Variants in ERCC8 observed in about 807,000 individuals in gnomAD.
ERCC8 encodes the protein ERCC excision repair 8, CSA ubiquitin ligase complex subunit.
A neutral mutation model predicts 54.9 loss-of-function variants in ERCC8; 52 were observed. The observed-to-expected ratio is 0.95, with a 90% CI of 0.76 to 1.19. The LOEUF is 1.19. Ranked by LOEUF, ERCC8 falls within the 50% of genes most tolerant of loss-of-function variation. The pLI, the probability that ERCC8 is intolerant of heterozygous loss-of-function variation, is 0.00. For synonymous variants in ERCC8, 146 were observed against 157.2 expected, an observed-to-expected ratio of 0.93 and a Z score of 0.53; for missense variants, 514 against 466.1, an observed-to-expected ratio of 1.10 and a Z score of -0.95.
intron 11 of ERCC8, among the ~76,000 whole-genome samples, chr5:60,883,870 T>G (rs1748317325): frequency 6.6e-6 from 1 of 152,122 alleles, no homozygotes; most frequent in Non-Finnish European, 1.5e-5. Context: ...CAAAATATAA[T>G]AAAACAGTCT....
intron 11 of ERCC8, among the ~76,000 whole-genome samples, chr5:60,886,612 T>A (rs1192920488): frequency 7.9e-5 from 12 of 151,494 alleles, no homozygotes; most frequent in South Asian, 4.2e-4. Context: ...TGAGGCAGGA[T>A]AATTGCTTGA....
chr5:60,898,776 A>G (rs1012556209), intron 8 of ERCC8, among the ~76,000 whole-genome samples: 5 of 123,458 alleles, frequency 4.0e-5, no homozygotes, highest in Non-Finnish European at 6.7e-5. Context: ...TAAAATCAAT[A>G]ATTCTAGTGT....
chr5:60,883,349 A>G (rs922253263), intron 11 of ERCC8, among the ~76,000 whole-genome samples: 1 of 152,228 alleles, frequency 6.6e-6, no homozygotes, highest in Non-Finnish European at 1.5e-5. Flanking sequence ...TGTGGTACAC[A>G]TTACCATTTG....
chr5:60,871,118 A>T lies in ERCC8; in HGVS notation c.*3497T>A, dbSNP rs970361227. Among the ~76,000 whole-genome samples, 2 of 152,190 alleles carry T rather than the reference A, an allele frequency of 1.3e-5. No homozygotes were observed. Among genetic ancestry groups the T allele is most frequent in the African/African-American group, 4.8e-5 (2 of 41,440 alleles). The stretch of plus-strand genomic sequence containing the variant: ...CTAAACTATCATTTCAGAGGGGAAA[A>T]AAAAGATGATATTCAACAACTAAAT... On this transcript the variant is annotated 3_prime_UTR_variant, in exon 12 of 12. Transcript: ENST00000676185.
chr5:60,941,345 A>T (rs1580054883), intron 1 of ERCC8, among the ~76,000 whole-genome samples: 2 of 152,348 alleles, frequency 1.3e-5, no homozygotes, highest in Admixed American at 1.3e-4. Flanking sequence ...TGTGAACTTG[A>T]AGATAGATCC....
chr5:60,894,890 C>T (rs965492228), intron 9 of ERCC8, among the ~76,000 whole-genome samples: 8 of 151,942 alleles, frequency 5.3e-5, no homozygotes, highest in Admixed American at 1.3e-4. Flanking sequence ...AGTGATTTGT[C>T]GGCTGGGCGT....
At chr5:60,908,453 C>T (rs1233128727) in intron 4 of ERCC8, among the ~76,000 whole-genome samples, 1 of 151,410 alleles carries the variant, frequency 6.6e-6, no homozygotes, top group African/African-American at 2.4e-5. Flanking sequence ...CTCAACAAAT[C>T]GAAAATTGAA....
intron 11 of ERCC8, among the ~76,000 whole-genome samples, chr5:60,886,875 C>T (rs1161077668): frequency 1.3e-5 from 2 of 151,764 alleles, no homozygotes; most frequent in East Asian, 1.9e-4. Context: ...TTGATGTTTA[C>T]AATAATCAAC....
intron 3 of ERCC8, among the ~76,000 whole-genome samples, chr5:60,920,314 TAC>T (rs1459056314): frequency 6.6e-6 from 1 of 152,028 alleles, no homozygotes; most frequent in African/African-American, 2.4e-5. Flanking sequence ...TATTGACTTC[TAC>T]AGAGATTTTT....
chr5:60,924,577 A>G (rs1178892829), intron 2 of ERCC8: 1 of 154,538 alleles, frequency 6.5e-6, no homozygotes, highest in Non-Finnish European at 1.5e-5. Context: ...ATAAAGTTCC[A>G]GATCTTATTT....
At chr5:60,880,252 G>C (rs1462815831) in intron 11 of ERCC8, among the ~76,000 whole-genome samples, 1 of 152,144 alleles carries the variant, frequency 6.6e-6, no homozygotes, top group Admixed American at 6.5e-5. Flanking sequence ...GTCTGATGGG[G>C]TTCCGTTTGT....
chr5:60,942,296 T>C (rs902482909), intron 1 of ERCC8, among the ~76,000 whole-genome samples: 1 of 152,270 alleles, frequency 6.6e-6, no homozygotes, highest in African/African-American at 2.4e-5. Flanking sequence ...AGCTCCACTG[T>C]TATGCATTAA....
At chr5:60,886,787 TAA>T (rs1390908296) in intron 11 of ERCC8, among the ~76,000 whole-genome samples, 2 of 151,732 alleles carry the variant, frequency 1.3e-5, no homozygotes, top group Non-Finnish European at 2.9e-5. Context: ...TATAATAATT[TAA>T]GAGATAATTC....
At chr5:60,896,075 C>T (rs112613959) in intron 9 of ERCC8, among the ~76,000 whole-genome samples, 3,653 of 152,246 alleles carry the variant, frequency 0.024, 63 homozygotes, top group Non-Finnish European at 0.037. Context: ...CAACCTCTGC[C>T]TCCCAGGTTC....
intron 4 of ERCC8, among the ~76,000 whole-genome samples, chr5:60,916,865 C>T (rs551663510): frequency 4.6e-5 from 7 of 152,050 alleles, no homozygotes; most frequent in Non-Finnish European, 8.8e-5. Flanking sequence ...AGTTACTGTA[C>T]ATAGCACTGA....
At chr5:60,911,063 T>C (rs1375815373) in intron 4 of ERCC8, among the ~76,000 whole-genome samples, 1 of 152,118 alleles carries the variant, frequency 6.6e-6, no homozygotes, top group African/African-American at 2.4e-5. Context: ...TTTATTTTTA[T>C]ATATTTTTTA....
At chr5:60,944,197 T>G (rs1254269165) in intron 1 of ERCC8, among the ~76,000 whole-genome samples, 1 of 152,122 alleles carries the variant, frequency 6.6e-6, no homozygotes, top group Non-Finnish European at 1.5e-5. Context: ...GGCCTGTTGA[T>G]TCTATTTCTC....
chr5:60,919,484 T>C (rs1250016601), intron 3 of ERCC8: 1 of 152,018 alleles, frequency 6.6e-6, no homozygotes, highest in Non-Finnish European at 1.5e-5. Context: ...TGTGGTGCTA[T>C]CTGAAGGAAT....
At chr5:60,916,636 A>G (rs1217124251) in intron 4 of ERCC8, among the ~76,000 whole-genome samples, 1 of 152,038 alleles carries the variant, frequency 6.6e-6, no homozygotes, top group East Asian at 1.9e-4. Flanking sequence ...ACTTTATTAT[A>G]AAAATAAATC....
Sources: gnomAD v4.1 joint callset for allele counts (sites outside exome capture counted in the v4.1 genomes callset) on GRCh38, gnomAD v4.1.1 for gene constraint, MANE v1.5 for transcripts, NCBI Gene and HGNC (gene_info 2026-07-23, HGNC 2026-07-21) for gene names.